GALNT18: variants seen among roughly 807,000 people sequenced by gnomAD.
GALNT18 encodes the protein polypeptide N-acetylgalactosaminyltransferase 18.
GALNT18 carries 44 observed loss-of-function variants against 69.5 expected under a neutral mutation model. That is an observed-to-expected ratio of 0.63 (90% CI 0.50 to 0.81). The LOEUF is 0.81. Among genes scored for constraint, GALNT18 ranks in the 40% least tolerant of loss-of-function variants. The pLI is 0.00. For missense variants in GALNT18, 715 were observed against 810.0 expected (o/e 0.88, Z 1.42); for synonymous variants, 364 against 318.2 (o/e 1.14, Z -1.53).
At chr11:11,272,669 G>C (rs937345932) in intron 10 of GALNT18, among the ~76,000 whole-genome samples, 3 of 152,188 alleles carry the variant, frequency 2.0e-5, no homozygotes, top group Admixed American at 6.5e-5. Context: ...CCCATGACAG[G>C]CTAAGCTGCA....
At chr11:11,610,620 G>A (rs1038568409) in intron 1 of GALNT18, among the ~76,000 whole-genome samples, 1 of 151,940 alleles carries the variant, frequency 6.6e-6, no homozygotes, top group Non-Finnish European at 1.5e-5. Context: ...TAAATCCCCA[G>A]GTTCTCATAA....
rs562823833 is a variant in GALNT18 at position 11,597,793 on chromosome 11, T to C, written c.235+23566A>G. 3.5e-3 allele frequency among the ~76,000 whole-genome samples: 535 copies of C among 152,090 alleles called. 6 individuals are homozygous for C. Among genetic ancestry groups the C allele is most frequent in the African/African-American group, 0.012 (505 of 41,478 alleles). ...CTCCTGCCTCAGCCTCCTGAGTAGCTGGGACTACAGGCGCCTGCCACCACG... is the reference window on the plus strand; with the variant it reads ...CTCCTGCCTCAGCCTCCTGAGTAGCCGGGACTACAGGCGCCTGCCACCACG... On this transcript the variant is annotated intron_variant, in intron 1 of 10. Transcript: ENST00000227756.
At chr11:11,283,889 T>C (rs778308270) in intron 10 of GALNT18, among the ~76,000 whole-genome samples, 2 of 152,134 alleles carry the variant, frequency 1.3e-5, no homozygotes, top group Admixed American at 6.5e-5. Flanking sequence ...CAAATTTGAA[T>C]GTGTAGAATT....
At chr11:11,302,830 G>C (rs1849521307) in intron 9 of GALNT18, among the ~76,000 whole-genome samples, 1 of 152,242 alleles carries the variant, frequency 6.6e-6, no homozygotes, top group Non-Finnish European at 1.5e-5. Context: ...AAAAGGCAGA[G>C]AGACTGACAG....
chr11:11,272,028 G>A (rs959962970), intron 10 of GALNT18, among the ~76,000 whole-genome samples: 1 of 152,156 alleles, frequency 6.6e-6, no homozygotes, highest in Non-Finnish European at 1.5e-5. Flanking sequence ...GAGCATCTCT[G>A]AGTTACCACC....
chr11:11,283,013 C>G (rs1215400859), intron 10 of GALNT18, among the ~76,000 whole-genome samples: 1 of 152,112 alleles, frequency 6.6e-6, no homozygotes, highest in Admixed American at 6.5e-5. Context: ...ATTGAGATCT[C>G]AGCAAGGGCA....
chr11:11,329,002 C>A (rs189962484), intron 8 of GALNT18, among the ~76,000 whole-genome samples: 38 of 152,238 alleles, frequency 2.5e-4, no homozygotes, highest in African/African-American at 8.9e-4. Flanking sequence ...CCCCCACCAT[C>A]CCTTAGGCAG....
At chr11:11,597,514 G>A (rs1330001496) in intron 1 of GALNT18, among the ~76,000 whole-genome samples, 2 of 151,854 alleles carry the variant, frequency 1.3e-5, no homozygotes, top group African/African-American at 4.8e-5. Context: ...TGTTCACTTT[G>A]GTAGTTTGCA....
chr11:11,537,594 G>C (rs1203018931), intron 1 of GALNT18, among the ~76,000 whole-genome samples: 2 of 152,162 alleles, frequency 1.3e-5, no homozygotes, highest in Admixed American at 1.3e-4. Flanking sequence ...CCCAGCCATG[G>C]AGAAAGTCAT....
Position 11,444,179 on chromosome 11 carries a change from G to C in GALNT18, c.428+4565C>G, listed in dbSNP as rs1855594953. ...CTCCAGGCCCCGCCTCCCTGCCACA[G>C]AGAGGTGCCTTGCAGATGCCACCCT... On this transcript the variant is annotated intron_variant, in intron 2 of 10. Coordinates refer to ENST00000227756, the MANE Select transcript of GALNT18 (RefSeq NM_198516.3). This position sits in a 1 kb window ranked among gnomAD's most constrained non-coding sequence, Gnocchi z 4.4. Among the ~76,000 whole-genome samples the C allele has an allele frequency of 6.6e-6, 1 of 152,110 alleles. No homozygotes were observed. The highest frequency in any genetic ancestry group is 2.1e-4 in the South Asian group (1 of 4,802).
rs957918113 is a variant in GALNT18, at chr11:11,590,734, G to A, written c.235+30625C>T. ...GGTGGTCCCGTAAGATTACAATGGA[G>A]CCCAAAAATTCCTATTGCCTAGTAA... On this transcript the variant is annotated intron_variant, in intron 1 of 10. Transcript: ENST00000227756. This position sits in a 1 kb window ranked among gnomAD's most constrained non-coding sequence, Gnocchi z 4.4. Among the ~76,000 whole-genome samples, 9 of 152,254 alleles carry A rather than the reference G, an allele frequency of 5.9e-5. No individual in the cohort carries two copies. The South Asian group carries it at 1.5e-3, about 25-fold the overall frequency.
At position 11,558,153 on chromosome 11, in the gene GALNT18, T is replaced by C. The variant is rs149780411; in HGVS notation, c.235+63206A>G. Among the ~76,000 whole-genome samples the C allele has an allele frequency of 2.1e-3, 324 of 152,320 alleles. 1 individual carries two copies. Among genetic ancestry groups the C allele is most frequent in the Non-Finnish European group, 3.9e-3 (262 of 68,036 alleles). On this transcript the variant is annotated intron_variant, in intron 1 of 10. Transcript: ENST00000227756. ...TTAGAAAATACCATCGCCCCTGGATTCTCAGATCCCCATTTCTTTTTTACA... is the reference window on the plus strand; with the variant it reads ...TTAGAAAATACCATCGCCCCTGGATCCTCAGATCCCCATTTCTTTTTTACA...
intron 1 of GALNT18, among the ~76,000 whole-genome samples, chr11:11,460,721 G>C (rs1856022035): frequency 1.3e-5 from 2 of 152,180 alleles, no homozygotes; most frequent in African/African-American, 4.8e-5. Flanking sequence ...TGTCCAACTG[G>C]CTTCCTGCTA....
chr11:11,553,044 T>C (rs747677912), intron 1 of GALNT18, among the ~76,000 whole-genome samples: 12 of 152,128 alleles, frequency 7.9e-5, no homozygotes, highest in Non-Finnish European at 1.3e-4. Context: ...TTTCAAGCTA[T>C]TCACCCAGGA....
At chr11:11,611,322 GA>G (rs540543676) in intron 1 of GALNT18, among the ~76,000 whole-genome samples, 133 of 152,234 alleles carry the variant, frequency 8.7e-4, no homozygotes, top group African/African-American at 3.1e-3. Context: ...TCAGACAGTT[GA>G]AAACCAGAGA....
rs1853975802 is a variant in GALNT18, at chr11:11,383,683, C to T, written c.596-4419G>A. On this transcript the variant is annotated intron_variant, in intron 3 of 10. Coordinates refer to ENST00000227756, the MANE Select transcript of GALNT18 (RefSeq NM_198516.3). This position sits in a 1 kb window ranked among gnomAD's most constrained non-coding sequence, Gnocchi z 5.2. Reference sequence around the variant, plus strand: ...TACTGATATGATTTGACTCTGTGTCCCCACCCAAATCTCATCTTGAATTGT... The same window carrying T: ...TACTGATATGATTTGACTCTGTGTCTCCACCCAAATCTCATCTTGAATTGT... Among the ~76,000 whole-genome samples, 1 of 152,068 alleles carries T rather than the reference C, an allele frequency of 6.6e-6. No homozygotes were observed. Among genetic ancestry groups the T allele is most frequent in the Non-Finnish European group, 1.5e-5 (1 of 68,022 alleles).
At chr11:11,327,296 C>T in intron 8 of GALNT18, 115 bp from the exon 9 acceptor site, 3 of 794,676 alleles carry the variant, frequency 3.8e-6, no homozygotes, top group Non-Finnish European at 6.3e-6. Context: ...CATAATCAGC[C>T]CAAGGCCCTT....
At chr11:11,451,602 G>A (rs1303216609) in intron 1 of GALNT18, among the ~76,000 whole-genome samples, 5 of 152,142 alleles carry the variant, frequency 3.3e-5, no homozygotes, top group Non-Finnish European at 4.4e-5. Context: ...CAAGCACTGC[G>A]ATAGGTCATT....
intron 1 of GALNT18, chr11:11,570,267 C>T (rs973554994): frequency 1.3e-5 from 2 of 153,110 alleles, no homozygotes; most frequent in African/African-American, 4.8e-5. Context: ...CCTCCACCCG[C>T]TCTGTTCTCC....
Sources: gnomAD v4.1 joint callset for allele counts (sites outside exome capture counted in the v4.1 genomes callset) on GRCh38, gnomAD v4.1.1 for gene constraint, Gnocchi (gnomAD v3.1) non-coding constraint, MANE v1.5 for transcripts, NCBI Gene and HGNC (gene_info 2026-07-23, HGNC 2026-07-21) for gene names.